CSMD3: variants seen among roughly 807,000 people sequenced by gnomAD.
CSMD3 encodes CUB and Sushi multiple domains 3.
CSMD3 carries 177 observed loss-of-function variants against 435.2 expected under a neutral mutation model. The observed-to-expected ratio is 0.41, with a 90% CI of 0.36 to 0.46. The LOEUF (loss-of-function observed/expected upper bound fraction) is 0.46, where lower values mean the gene tolerates loss of function less well. Among genes scored for constraint, CSMD3 ranks in the 20% least tolerant of loss-of-function variants. CSMD3 has a pLI of 0.34. For missense variants in CSMD3, 4,265 were observed against 4,504.6 expected (o/e 0.95, Z 1.52); for synonymous variants, 1,656 against 1,520.5 (o/e 1.09, Z -2.07).
At chr8:112,269,289 C>T (rs1817242997) in intron 59 of CSMD3, among the ~76,000 whole-genome samples, 1 of 152,118 alleles carries the variant, frequency 6.6e-6, no homozygotes, top group African/African-American at 2.4e-5. Context: ...GACAAAAATT[C>T]AGTCAGGGGC....
At chr8:113,092,775 A>G (rs1287353944) in intron 5 of CSMD3, among the ~76,000 whole-genome samples, 1 of 152,058 alleles carries the variant, frequency 6.6e-6, no homozygotes, top group African/African-American at 2.4e-5. Context: ...GTTTGATACT[A>G]GGTGGTGGTG....
Position 112,390,959 on chromosome 8 carries a change from G to A in CSMD3, c.5810-171C>T, listed in dbSNP as rs555808202. On this transcript the variant is annotated intron_variant, in intron 35 of 70. Transcript: ENST00000297405. Reference sequence around the variant, plus strand: ...TGAAGTTTTTGTATACCATGGAAACGATAACAAATAATTAGACAGCATTAA... The same window carrying A: ...TGAAGTTTTTGTATACCATGGAAACAATAACAAATAATTAGACAGCATTAA... Among the ~76,000 whole-genome samples, 195 of 152,232 alleles carry A rather than the reference G, an allele frequency of 1.3e-3. 1 individual carries two copies. Among genetic ancestry groups the A allele is most frequent in the African/African-American group, 4.5e-3 (188 of 41,546 alleles).
chr8:112,859,225 A>G lies in CSMD3; in HGVS notation c.1675T>C (p.Phe559Leu). The G allele has an allele frequency of 6.2e-7, 1 of 1,611,420 alleles. No homozygotes were observed. The highest frequency in any genetic ancestry group is 2.2e-5 in the East Asian group (1 of 44,758). The change falls in exon 11 of 71, where the codon TTT (phenylalanine) becomes CTT (leucine). Residue 559 changes from phenylalanine to leucine, a missense_variant. By Grantham distance (22) the Phe-to-Leu change is conservative. Around this residue, in one of 3 missense-constraint regions of CSMD3, gnomAD observed 731 missense variants for 755.4 expected, o/e 0.97. Transcript: ENST00000297405. ...GSNLQGPSGT[F>L]TSPNFPFQYD... ...TGGAACGGAAAGTTGGGAGATGTAA[A>G]GGTACCACTTGGTCCTTGAAGATTA... is the stretch of plus-strand genomic sequence containing the variant.
intron 1 of CSMD3, among the ~76,000 whole-genome samples, chr8:113,336,506 G>C (rs1320761839): frequency 6.6e-6 from 1 of 152,034 alleles, no homozygotes; most frequent in Middle Eastern, 3.2e-3. Flanking sequence ...ACTGCAATCA[G>C]GATATTTTCA....
intron 3 of CSMD3, among the ~76,000 whole-genome samples, chr8:113,269,967 TCTAATTAAA>T (rs1271730647): frequency 6.6e-6 from 1 of 151,154 alleles, no homozygotes; most frequent in African/African-American, 2.4e-5. Context: ...ACAAATGGGA[TCTAATTAAA>T]CTAAAGAGCT....
At chr8:113,174,267 C>G (rs935384308) in intron 3 of CSMD3, among the ~76,000 whole-genome samples, 1 of 152,102 alleles carries the variant, frequency 6.6e-6, no homozygotes, top group African/African-American at 2.4e-5. Context: ...TAGTAATAAG[C>G]AAATTCATTT....
chr8:113,267,683 A>T (rs1314009717), intron 3 of CSMD3, among the ~76,000 whole-genome samples: 1 of 151,668 alleles, frequency 6.6e-6, no homozygotes, highest in African/African-American at 2.4e-5. Context: ...ATGTTTGATA[A>T]CCGAGTAGGA....
chr8:112,829,125 T>C (rs1284818035), intron 12 of CSMD3, among the ~76,000 whole-genome samples: 1 of 152,216 alleles, frequency 6.6e-6, no homozygotes, highest in Non-Finnish European at 1.5e-5. Flanking sequence ...AGTAGCTGTC[T>C]ATGCTGATAC....
At chr8:112,362,529 C>T (rs1327006713) in intron 38 of CSMD3, among the ~76,000 whole-genome samples, 2 of 151,998 alleles carry the variant, frequency 1.3e-5, no homozygotes, top group East Asian at 1.9e-4. Flanking sequence ...AGAATCACGA[C>T]GTGTAGGTAT....
At chr8:112,860,301 A>T (rs998367059) in intron 10 of CSMD3, among the ~76,000 whole-genome samples, 13 of 151,734 alleles carry the variant, frequency 8.6e-5, no homozygotes, top group Non-Finnish European at 1.8e-4. Flanking sequence ...CTGCAACTTG[A>T]TGGTTATATC....
At chr8:112,634,530 C>T (rs1255196097) in intron 22 of CSMD3, among the ~76,000 whole-genome samples, 1 of 151,878 alleles carries the variant, frequency 6.6e-6, no homozygotes, top group African/African-American at 2.4e-5. Context: ...GGGGGGAATT[C>T]CCATGGCAAT....
chr8:112,814,093 G>A (rs1004823241), intron 12 of CSMD3, among the ~76,000 whole-genome samples: 1 of 152,162 alleles, frequency 6.6e-6, no homozygotes, highest in East Asian at 1.9e-4. Context: ...GCCTGATGTC[G>A]AAGTGAGTTC....
intron 12 of CSMD3, among the ~76,000 whole-genome samples, chr8:112,814,340 C>T (rs1210390681): frequency 3.3e-5 from 5 of 152,162 alleles, no homozygotes. Context: ...GGTGTGCTTA[C>T]ATTCCTGGTC....
At chr8:112,473,281 G>A (rs1192150525) in intron 31 of CSMD3, among the ~76,000 whole-genome samples, 1 of 152,132 alleles carries the variant, frequency 6.6e-6, no homozygotes, top group Non-Finnish European at 1.5e-5. Flanking sequence ...AAAAAAAGAT[G>A]AGGGTGAAAA....
chr8:113,378,717 G>A (rs1266274306), intron 1 of CSMD3, among the ~76,000 whole-genome samples: 2 of 151,822 alleles, frequency 1.3e-5, no homozygotes, highest in Admixed American at 6.6e-5. Context: ...TCCCCACCAT[G>A]GGAAATTTGG....
At chr8:112,851,873 G>A (rs1564024763) in intron 11 of CSMD3, among the ~76,000 whole-genome samples, 1 of 152,074 alleles carries the variant, frequency 6.6e-6, no homozygotes, top group African/African-American at 2.4e-5. Context: ...CCAGTAGAAA[G>A]AAAGTCTCAG....
intron 1 of CSMD3, among the ~76,000 whole-genome samples, chr8:113,412,888 G>A (rs1408661369): frequency 6.6e-6 from 1 of 151,974 alleles, no homozygotes; most frequent in South Asian, 2.1e-4. Context: ...TCCATGCCTG[G>A]CCAGGTTATC....
chr8:112,364,083 G>A (rs1211572471), intron 38 of CSMD3, among the ~76,000 whole-genome samples: 3 of 151,976 alleles, frequency 2.0e-5, no homozygotes, highest in Admixed American at 6.6e-5. Context: ...AAGAACTAAT[G>A]CATTATCTCT....
At chr8:112,279,113 C>T (rs1027666617) in intron 59 of CSMD3, among the ~76,000 whole-genome samples, 9 of 152,042 alleles carry the variant, frequency 5.9e-5, no homozygotes, top group Non-Finnish European at 8.8e-5. Context: ...CACAACTGGA[C>T]TCAATTGAAA....
Sources: allele counts gnomAD v4.1 joint callset (sites outside exome capture counted in the v4.1 genomes callset), GRCh38; gene constraint gnomAD v4.1.1; regional missense constraint gnomAD v4.1.1; transcripts MANE v1.5; gene names NCBI Gene and HGNC (gene_info 2026-07-23, HGNC 2026-07-21).